SCGB3A2: variants seen among roughly 807,000 people sequenced by gnomAD.
The protein encoded by SCGB3A2 is secretoglobin family 3A member 2, also known as pneumo secretory protein 1.
A neutral mutation model predicts 7.7 loss-of-function variants in SCGB3A2; 5 were observed. The ratio of observed to expected loss-of-function variants is 0.65; its 90% CI spans 0.34 to 1.36. The LOEUF (loss-of-function observed/expected upper bound fraction) is 1.36, where lower values mean the gene tolerates loss of function less well. SCGB3A2 is among the 40% of genes most tolerant of loss of function. SCGB3A2 has a pLI of 0.04. For missense variants in SCGB3A2, 109 were observed against 103.6 expected (o/e 1.05, Z -0.23); for synonymous variants, 44 against 42.7 (o/e 1.03, Z -0.12).
chr5:147,880,393 A>T (rs1757327918), intron 1 of SCGB3A2, among the ~76,000 whole-genome samples: 2 of 152,110 alleles, frequency 1.3e-5, no homozygotes, highest in Non-Finnish European at 2.9e-5. Context: ...AAAAAATCTG[A>T]CCTCACTCAA....
intron 2 of SCGB3A2, 52 bp from the exon 3 acceptor site, chr5:147,881,975 A>G: frequency 6.3e-7 from 1 of 1,596,702 alleles, no homozygotes; most frequent in Admixed American, 1.7e-5. Context: ...GTTTTGAAAC[A>G]TGCGAATTAC....
At position 147,881,445 on chromosome 5, in the gene SCGB3A2, GCT is replaced by G; in HGVS notation, c.56_57del (p.Ala19AspfsTer13). 6.2e-7 allele frequency: 1 copy of G among 1,613,666 alleles called. No individual in the cohort carries two copies. Among genetic ancestry groups the G allele is most frequent in the East Asian group, 2.2e-5 (1 of 44,872 alleles). On this transcript the variant is annotated frameshift_variant and splice_region_variant, in exon 2 of 3. Coordinates refer to ENST00000296694, the MANE Select transcript of SCGB3A2 (RefSeq NM_054023.5). LOFTEE classifies it high-confidence loss of function. ...TCACCTGGTTTCTCTTTTTCCTGCA[GCT>G]ACTGCCTTCCTCATCAACAAAGTGC... is the stretch of plus-strand genomic sequence containing the variant. ...LVTISLCSYS[A>X]TAFLINKVPL...
At chr5:147,879,923 T>C (rs959718439) in intron 1 of SCGB3A2, among the ~76,000 whole-genome samples, 3 of 152,224 alleles carry the variant, frequency 2.0e-5, no homozygotes, top group Non-Finnish European at 4.4e-5. Flanking sequence ...CACTGTTCTC[T>C]AATGTCCAGG....
At position 147,882,190 on chromosome 5, in the gene SCGB3A2, C is replaced by G; in HGVS notation, c.*140C>G. On this transcript the variant is annotated 3_prime_UTR_variant, in exon 3 of 3. Transcript: ENST00000296694. ...AAAAGGACAAATAAAGCAATGAATA[C>G]ATTTTCAGTCGTCCTATTTTTATTT... is the stretch of plus-strand genomic sequence containing the variant. The G allele has an allele frequency of 1.2e-6, 1 of 808,750 alleles. No individual in the cohort carries two copies. 50.1% of individuals were successfully genotyped at this position (808,750 alleles called of 1,614,324 possible). A position where few individuals can be genotyped will look rare whatever the true frequency, so the allele number is the denominator to read the frequency against.
At chr5:147,881,384 A>T (rs372140237) in intron 1 of SCGB3A2, 62 bp from the exon 2 acceptor site, 1 of 1,254,256 alleles carries the variant, frequency 8.0e-7, no homozygotes, top group Non-Finnish European at 1.2e-6. Flanking sequence ...CAGGGAAAGA[A>T]GATGAGGTCA....
At chr5:147,881,735 T>A (rs113050972) in intron 2 of SCGB3A2, 87 bp downstream of exon 2, 2 of 1,034,746 alleles carry the variant, frequency 1.9e-6, no homozygotes, top group Non-Finnish European at 2.8e-6. Flanking sequence ...CTTGTAAATG[T>A]GCATTTCCAC....
At chr5:147,879,199 C>A (rs954841535) in intron 1 of SCGB3A2, among the ~76,000 whole-genome samples, 2 of 152,110 alleles carry the variant, frequency 1.3e-5, no homozygotes, top group East Asian at 1.9e-4. Context: ...GGTCACCATT[C>A]GTTTTTCTTA....
At chr5:147,881,938 G>C in intron 2 of SCGB3A2, 89 bp from the exon 3 acceptor site, 2 of 1,411,932 alleles carry the variant, frequency 1.4e-6, no homozygotes, top group Non-Finnish European at 2.0e-6. Context: ...TAAAATAGTG[G>C]CCAAACAGGA....
At position 147,879,385 on chromosome 5, in the gene SCGB3A2, G is replaced by T. The variant is rs73794561; in HGVS notation, c.55+527G>T. Among the ~76,000 whole-genome samples the T allele has an allele frequency of 6.4e-3, 974 of 152,292 alleles. 9 individuals are homozygous for T. The highest frequency in any genetic ancestry group is 0.02 in the African/African-American group (827 of 41,556). ...GATATTTATTGAATGGCTACAATTT[G>T]TTGGGCACTGGATAGGCATTGGAAG... On this transcript the variant is annotated intron_variant, in intron 1 of 2. Transcript: ENST00000296694.
At chr5:147,881,173 C>A in intron 1 of SCGB3A2, 2 of 365,214 alleles carry the variant, frequency 5.5e-6, no homozygotes, top group Non-Finnish European at 9.8e-6. Flanking sequence ...AAATAAATGA[C>A]GGAGAGTGAC....
At chr5:147,879,322 C>T (rs1757310085) in intron 1 of SCGB3A2, among the ~76,000 whole-genome samples, 1 of 152,182 alleles carries the variant, frequency 6.6e-6, no homozygotes, top group Non-Finnish European at 1.5e-5. Flanking sequence ...GCTTGGTTCT[C>T]CTGAGATAGC....
chr5:147,881,291 G>C (rs550250313), intron 1 of SCGB3A2, among the ~76,000 whole-genome samples, 155 bp from the exon 2 acceptor site: 1 of 152,294 alleles, frequency 6.6e-6, no homozygotes, highest in South Asian at 2.1e-4. Flanking sequence ...TAGGGAGATG[G>C]AACAGCAGGT....
intron 1 of SCGB3A2, chr5:147,880,960 A>G (rs1438896656): frequency 6.4e-6 from 1 of 156,844 alleles, no homozygotes; most frequent in African/African-American, 2.4e-5. Context: ...AGCTGTGGAG[A>G]CAGTCACATA....
In SCGB3A2 at chr5:147,878,878, C is replaced by A. The variant is rs747226682; in HGVS notation, c.55+20C>A. ...ACTCTGGTAAGTAACTGGAATACATCTGGAATATGTGACATTTCTTTACTT... is the reference window on the plus strand; with the variant it reads ...ACTCTGGTAAGTAACTGGAATACATATGGAATATGTGACATTTCTTTACTT... On this transcript the variant is annotated intron_variant, in intron 1 of 2. Coordinates refer to ENST00000296694, the MANE Select transcript of SCGB3A2 (RefSeq NM_054023.5). The A allele has an allele frequency of 9.0e-6, 14 of 1,564,072 alleles. No individual in the cohort carries two copies. Among genetic ancestry groups the A allele is most frequent in the Non-Finnish European group, 1.2e-5 (14 of 1,134,430 alleles).
chr5:147,878,987 A>G, intron 1 of SCGB3A2, 129 bp downstream of exon 1: 1 of 682,184 alleles, frequency 1.5e-6, no homozygotes, highest in Non-Finnish European at 2.6e-6. Flanking sequence ...TTTTTATTTT[A>G]CTTTTAACTG....
At chr5:147,880,149 G>C (rs950616042) in intron 1 of SCGB3A2, among the ~76,000 whole-genome samples, 2 of 152,160 alleles carry the variant, frequency 1.3e-5, no homozygotes, top group Admixed American at 1.3e-4. Context: ...GTGTTCTTAC[G>C]TGTGTGCTCA....
At position 147,881,582 on chromosome 5, in the gene SCGB3A2, G is replaced by A; in HGVS notation, c.192G>A (p.Val64=). 6.2e-7 allele frequency: 1 copy of A among 1,613,998 alleles called. No individual in the cohort carries two copies. Among genetic ancestry groups the A allele is most frequent in the Non-Finnish European group, 8.5e-7 (1 of 1,179,920 alleles). ...KTLGISVEHL[V]EGLRKCVNEL... is the part of the protein sequence containing the mutation. ...TGGGCATTTCTGTTGAGCACCTTGT[G>A]GAGGGGCTAAGGAAGTGTGTAAATG... is the stretch of plus-strand genomic sequence containing the variant. Residue 64 remains valine (V), a synonymous_variant, in exon 2 of 3, where the codon GTG becomes GTA. Transcript: ENST00000296694.
In SCGB3A2 at chr5:147,881,656, C is replaced by T; in HGVS notation, c.258+8C>T. 3 of 1,611,444 alleles carry T rather than the reference C, an allele frequency of 1.9e-6. No homozygotes were observed. The highest frequency in any genetic ancestry group is 2.5e-6 in the Non-Finnish European group (3 of 1,178,482). ...GCTGTGAAGAAACTGCTGGTAACCA[C>T]AGCTTGGGAGGCTAATCTGCCAAAG... On this transcript the variant is annotated splice_region_variant and intron_variant, in intron 2 of 2. Coordinates refer to ENST00000296694, the MANE Select transcript of SCGB3A2 (RefSeq NM_054023.5).
chr5:147,878,959 T>C (rs1757303658), intron 1 of SCGB3A2, 101 bp downstream of exon 1: 2 of 766,352 alleles, frequency 2.6e-6, no homozygotes, highest in Admixed American at 4.1e-5. Context: ...TGGAATATGG[T>C]GGTAGGAATT....
Sources: gnomAD v4.1 joint callset for allele counts (sites outside exome capture counted in the v4.1 genomes callset) on GRCh38, gnomAD v4.1.1 for gene constraint, MANE v1.5 for transcripts, NCBI Gene and HGNC (gene_info 2026-07-23, HGNC 2026-07-21) for gene names.